The following DNM3 variants were observed in gnomAD, a reference collection of about 807,000 sequenced individuals.
DNM3 encodes the protein dynamin-3.
In DNM3, 47 loss-of-function variants were observed where a neutral mutation model predicts 101.6. That is an observed-to-expected ratio of 0.46 (90% confidence interval 0.37 to 0.59). The LOEUF (loss-of-function observed/expected upper bound fraction) is 0.59. Among genes scored for constraint, DNM3 ranks in the 20% least tolerant of loss-of-function variants. DNM3 has a pLI of 0.00. For synonymous variants in DNM3, 385 were observed against 387.9 expected, an observed-to-expected ratio of 0.99 and a Z score of 0.09; for missense variants, 849 against 1,085.7, an observed-to-expected ratio of 0.78 and a Z score of 3.06.
At chr1:172,292,304 A>G (rs1331701532) in intron 15 of DNM3, among the ~76,000 whole-genome samples, 2 of 152,220 alleles carry the variant, frequency 1.3e-5, no homozygotes, top group African/African-American at 2.4e-5. Context: ...ACATAAGATA[A>G]TAAATGGCAC....
At position 171,993,234 on chromosome 1, in the gene DNM3, T is replaced by C. The variant is rs558184188; in HGVS notation, c.589+4086T>C. Among the ~76,000 whole-genome samples the C allele has an allele frequency of 2.0e-5, 3 of 152,216 alleles. No homozygotes were observed. In the South Asian group the frequency reaches 6.2e-4, roughly 32 times the overall value. ...TATTTGAGTTACTGTCCAGTGTCCT[T>C]TTTTTTCTGCCTGAAAGGCTCTCAT... On this transcript the variant is annotated intron_variant, in intron 4 of 20. Coordinates refer to ENST00000627582, the MANE Select transcript of DNM3 (RefSeq NM_015569.5).
intron 14 of DNM3, among the ~76,000 whole-genome samples, chr1:172,161,905 C>T (rs2058559336): frequency 2.6e-5 from 4 of 151,952 alleles, no homozygotes; most frequent in African/African-American, 9.7e-5. Flanking sequence ...GGTTTTCTTT[C>T]AGTGATTGTC....
chr1:171,953,969 G>A (rs2042693973), intron 2 of DNM3, among the ~76,000 whole-genome samples: 1 of 152,216 alleles, frequency 6.6e-6, no homozygotes, highest in East Asian at 1.9e-4. Flanking sequence ...CAGTTTGTCA[G>A]TAAAGCTGTT....
At chr1:172,308,659 A>G in intron 15 of DNM3, 69 bp from the exon 16 acceptor site, 1 of 736,772 alleles carries the variant, frequency 1.4e-6, no homozygotes, top group Non-Finnish European at 2.0e-6. Flanking sequence ...ATCATCGTCT[A>G]CAGCAACATA....
intron 2 of DNM3, among the ~76,000 whole-genome samples, chr1:171,935,042 G>A (rs957658594): frequency 2.0e-5 from 3 of 152,014 alleles, no homozygotes; most frequent in South Asian, 2.1e-4. Context: ...ACTCGTATCT[G>A]TATGATACTG....
At chr1:171,880,334 T>C (rs755296721) in intron 1 of DNM3, among the ~76,000 whole-genome samples, 21 of 152,228 alleles carry the variant, frequency 1.4e-4, no homozygotes, top group Non-Finnish European at 2.1e-4. Flanking sequence ...CATAGTCAGA[T>C]GTGCCAGGTG....
At chr1:172,247,244 G>A (rs749471919) in intron 14 of DNM3, among the ~76,000 whole-genome samples, 22 of 152,064 alleles carry the variant, frequency 1.4e-4, no homozygotes, top group Non-Finnish European at 2.8e-4. Context: ...GAGTAGTGTA[G>A]CACTGAGAGA....
intron 1 of DNM3, among the ~76,000 whole-genome samples, chr1:171,858,022 A>T (rs138443115): frequency 1.3e-5 from 2 of 152,160 alleles, no homozygotes; most frequent in Non-Finnish European, 2.9e-5. Flanking sequence ...GAACCAGCTG[A>T]ATCTTAATTT....
At chr1:172,304,411 G>T (rs1370615280) in intron 15 of DNM3, among the ~76,000 whole-genome samples, 3 of 151,872 alleles carry the variant, frequency 2.0e-5, no homozygotes, top group Non-Finnish European at 4.4e-5. Flanking sequence ...CCTACAAAGA[G>T]ACTTAGACTC....
chr1:171,994,472 G>T (rs1223179444), intron 4 of DNM3, among the ~76,000 whole-genome samples: 3 of 152,036 alleles, frequency 2.0e-5, no homozygotes, highest in South Asian at 4.1e-4. Context: ...TGGCTTCAAT[G>T]CTCAGGCAGA....
At chr1:172,142,131 C>T (rs1307907328) in intron 14 of DNM3, 5 of 152,042 alleles carry the variant, frequency 3.3e-5, no homozygotes, top group Non-Finnish European at 7.4e-5. Context: ...AATTTTAATA[C>T]TTACACTTAT....
At chr1:171,987,090 CTA>C (rs1345746668) in intron 2 of DNM3, among the ~76,000 whole-genome samples, 1 of 152,030 alleles carries the variant, frequency 6.6e-6, no homozygotes, top group Non-Finnish European at 1.5e-5. Flanking sequence ...ATATAATACT[CTA>C]TAACTTTTTT....
chr1:172,047,640 A>G (rs999427421), intron 9 of DNM3, among the ~76,000 whole-genome samples: 1 of 152,238 alleles, frequency 6.6e-6, no homozygotes, highest in Admixed American at 6.5e-5. Context: ...AATTACCATT[A>G]TAATGTAGTA....
intron 6 of DNM3, among the ~76,000 whole-genome samples, chr1:172,035,913 T>C (rs1356283833): frequency 1.3e-5 from 2 of 152,186 alleles, no homozygotes; most frequent in South Asian, 2.1e-4. Context: ...TATATTCAGC[T>C]AACCTCAGAT....
intron 1 of DNM3, among the ~76,000 whole-genome samples, chr1:171,912,179 A>G (rs1025870331): frequency 6.6e-6 from 1 of 152,118 alleles, no homozygotes; most frequent in Non-Finnish European, 1.5e-5. Context: ...TGTATAATAC[A>G]TATTCTCAGT....
At chr1:172,175,182 G>T (rs927566470) in intron 14 of DNM3, among the ~76,000 whole-genome samples, 1 of 151,692 alleles carries the variant, frequency 6.6e-6, no homozygotes, top group Non-Finnish European at 1.5e-5. Context: ...AGTATGACTG[G>T]ATCAGCAGAA....
At chr1:172,080,420 A>G (rs1342758915) in intron 11 of DNM3, among the ~76,000 whole-genome samples, 1 of 152,128 alleles carries the variant, frequency 6.6e-6, no homozygotes, top group Non-Finnish European at 1.5e-5. Flanking sequence ...CTTTGCTTAC[A>G]CTGTGAGGGG....
intron 15 of DNM3, among the ~76,000 whole-genome samples, chr1:172,302,219 T>C (rs755645123): frequency 3.7e-4 from 57 of 152,304 alleles, no homozygotes; most frequent in Non-Finnish European, 6.5e-4. Flanking sequence ...GGAGATTATA[T>C]CCCACGCCTG....
intron 4 of DNM3, among the ~76,000 whole-genome samples, chr1:172,030,493 A>G (rs1216103377): frequency 3.3e-5 from 5 of 152,320 alleles, no homozygotes; most frequent in Admixed American, 2.0e-4. Context: ...GGACATGGGC[A>G]AAAACTTCAT....
Sources: gnomAD v4.1 joint callset for allele counts (sites outside exome capture counted in the v4.1 genomes callset) on GRCh38, gnomAD v4.1.1 for gene constraint, MANE v1.5 for transcripts, NCBI Gene and HGNC (gene_info 2026-07-23, HGNC 2026-07-21) for gene names.